Variants in MAN2A1 observed in about 807,000 individuals in gnomAD.
MAN2A1 encodes alpha-mannosidase 2.
MAN2A1 carries 76 observed loss-of-function variants against 142.6 expected under a neutral mutation model. The ratio of observed to expected loss-of-function variants is 0.53; its 90% CI spans 0.44 to 0.65. The LOEUF (loss-of-function observed/expected upper bound fraction) is 0.65. Among genes scored for constraint, MAN2A1 ranks in the 30% least tolerant of loss-of-function variants. MAN2A1 has a pLI of 0.00. For missense variants in MAN2A1, 1,311 were observed against 1,365.1 expected (o/e 0.96, Z 0.62); for synonymous variants, 559 against 473.2 (o/e 1.18, Z -2.35).
chr5:109,824,633 AT>A (rs1170630984), intron 16 of MAN2A1, among the ~76,000 whole-genome samples: 1 of 152,250 alleles, frequency 6.6e-6, no homozygotes, highest in Admixed American at 6.5e-5. Flanking sequence ...AGTTGAACAA[AT>A]TAGAAAAGAA....
intron 16 of MAN2A1, among the ~76,000 whole-genome samples, chr5:109,827,975 C>T (rs953610025): frequency 2.6e-5 from 4 of 152,022 alleles, no homozygotes; most frequent in South Asian, 2.1e-4. Context: ...TTTGGTGGCA[C>T]GTGCCTGTAA....
intron 1 of MAN2A1, chr5:109,699,703 T>C (rs1438567029): frequency 6.4e-6 from 1 of 156,642 alleles, no homozygotes; most frequent in African/African-American, 2.4e-5. Flanking sequence ...CGACTGAGCA[T>C]GCAGCTTCAG....
chr5:109,810,982 A>G (rs1471863733), intron 12 of MAN2A1, among the ~76,000 whole-genome samples: 1 of 111,256 alleles, frequency 9.0e-6, no homozygotes, highest in Non-Finnish European at 1.8e-5. Flanking sequence ...GCACTTTACA[A>G]GTTTTACTAT....
At chr5:109,718,863 T>C (rs1051126798) in intron 3 of MAN2A1, among the ~76,000 whole-genome samples, 3 of 152,160 alleles carry the variant, frequency 2.0e-5, no homozygotes, top group African/African-American at 7.2e-5. Flanking sequence ...GTTAAATAAG[T>C]TAATGAGCTA....
intron 16 of MAN2A1, among the ~76,000 whole-genome samples, chr5:109,824,461 T>A (rs1333902393): frequency 1.3e-5 from 2 of 152,198 alleles, no homozygotes; most frequent in African/African-American, 4.8e-5. Flanking sequence ...TCCAAAGACT[T>A]GCACATTTAG....
chr5:109,692,530 C>T (rs903977476), intron 1 of MAN2A1, among the ~76,000 whole-genome samples: 9 of 151,986 alleles, frequency 5.9e-5, no homozygotes, highest in Admixed American at 3.9e-4. Flanking sequence ...ACTTAAGTGG[C>T]GAGGGGACTG....
At position 109,823,705 on chromosome 5, in the gene MAN2A1, A is replaced by G. The variant is rs1347370277; in HGVS notation, c.2452-18A>G. The G allele has an allele frequency of 1.6e-6, 2 of 1,278,418 alleles. No individual in the cohort carries two copies. The highest frequency in any genetic ancestry group is 1.5e-5 in the African/African-American group (1 of 68,098). The allele number at this position is 1,278,418 out of a possible 1,614,324, so 79.2% of individuals were successfully genotyped here. On this transcript the variant is annotated intron_variant, in intron 15 of 21. Coordinates refer to ENST00000261483, the MANE Select transcript of MAN2A1 (RefSeq NM_002372.4). ...GGAAGCCAAAATATTTTTCTTAAAT[A>G]TATTATTTTCTTTTCAGCCTTATGT... is the stretch of plus-strand genomic sequence containing the variant.
intron 16 of MAN2A1, among the ~76,000 whole-genome samples, chr5:109,824,086 C>T (rs556473730): frequency 3.9e-5 from 6 of 152,304 alleles, no homozygotes; most frequent in South Asian, 2.1e-4. Context: ...GTCTTGAGCT[C>T]ATTAACTGGT....
intron 6 of MAN2A1, among the ~76,000 whole-genome samples, chr5:109,769,102 A>G (rs1385245889): frequency 6.6e-6 from 1 of 152,170 alleles, no homozygotes; most frequent in African/African-American, 2.4e-5. Context: ...GTCCTTATCC[A>G]TAGGAGAGAA....
chr5:109,690,542 C>G lies in MAN2A1; in HGVS notation c.125C>G (p.Ser42Cys), dbSNP rs767682580. The change falls in exon 1 of 22, where the codon TCC becomes TGC. Residue 42 changes from serine (S) to cysteine (C), a missense_variant. Around this residue, in one of 3 missense-constraint regions of MAN2A1, gnomAD observed 409 missense variants for 412.7 expected, o/e 0.99. Transcript: ENST00000261483. ...CCCAGGAACCCGCGCCGCGAGGGCT[C>G]CTTCCCTCAGGTAAGCACCTGGGAA... Reference protein sequence around the residue: ...DYPRNPRREGSFPQGQLSMLQ... With the variant: ...DYPRNPRREGCFPQGQLSMLQ... 1.1e-5 allele frequency: 17 copies of G among 1,604,564 alleles called. No individual in the cohort carries two copies. Among genetic ancestry groups the G allele is most frequent in the Non-Finnish European group, 1.4e-5 (17 of 1,175,538 alleles).
intron 1 of MAN2A1, among the ~76,000 whole-genome samples, chr5:109,708,384 GA>G (rs1218853767): frequency 1.3e-5 from 2 of 152,094 alleles, no homozygotes; most frequent in Admixed American, 6.5e-5. Flanking sequence ...AGTTTGTAAG[GA>G]AGGGGGATAA....
chr5:109,790,198 A>G (rs1475968986), intron 12 of MAN2A1, among the ~76,000 whole-genome samples: 1 of 151,896 alleles, frequency 6.6e-6, no homozygotes, highest in Admixed American at 6.6e-5. Context: ...ATTTTTTGTA[A>G]TATAACCTTT....
At chr5:109,789,430 A>C (rs748650684) in intron 11 of MAN2A1, 30 bp from the exon 12 acceptor site, 38 of 1,382,978 alleles carry the variant, frequency 2.7e-5, no homozygotes, top group African/African-American at 1.5e-5. Flanking sequence ...GTGTTAAGTA[A>C]AATTAAAAAA....
intron 19 of MAN2A1, among the ~76,000 whole-genome samples, chr5:109,850,452 C>G (rs1190427759): frequency 6.6e-6 from 1 of 152,114 alleles, no homozygotes; most frequent in Non-Finnish European, 1.5e-5. Context: ...AAAAATTCTT[C>G]CAGTATTTAG....
chr5:109,859,943 G>GATAT (rs577749086), intron 20 of MAN2A1, among the ~76,000 whole-genome samples: 4 of 144,374 alleles, frequency 2.8e-5, no homozygotes, highest in Non-Finnish European at 4.5e-5. Flanking sequence ...ATATAAACAT[G>GATAT]ATATATATAT....
chr5:109,769,375 G>A (rs1190673393), intron 6 of MAN2A1, among the ~76,000 whole-genome samples: 2 of 152,134 alleles, frequency 1.3e-5, no homozygotes, highest in Non-Finnish European at 2.9e-5. Flanking sequence ...GCTTGTTCAC[G>A]TGTTCGAGTT....
At chr5:109,831,804 C>CATGT (rs1754913662) in intron 16 of MAN2A1, among the ~76,000 whole-genome samples, 2 of 148,400 alleles carry the variant, frequency 1.3e-5, no homozygotes, top group African/African-American at 5.1e-5. Flanking sequence ...AAACAAAAAT[C>CATGT]ATGTGTGTGT....
intron 18 of MAN2A1, among the ~76,000 whole-genome samples, chr5:109,846,662 G>C (rs1409539125): frequency 6.6e-6 from 1 of 152,130 alleles, no homozygotes; most frequent in African/African-American, 2.4e-5. Flanking sequence ...CTAAGAGTTG[G>C]TAGAGATACA....
chr5:109,747,375 A>C (rs995721232), intron 4 of MAN2A1, among the ~76,000 whole-genome samples: 1 of 152,134 alleles, frequency 6.6e-6, no homozygotes. Context: ...TTTTTTGCAA[A>C]ATACATTATA....
Sources: allele counts gnomAD v4.1 joint callset (sites outside exome capture counted in the v4.1 genomes callset), GRCh38; gene constraint gnomAD v4.1.1; regional missense constraint gnomAD v4.1.1; transcripts MANE v1.5; gene names NCBI Gene and HGNC (gene_info 2026-07-23, HGNC 2026-07-21).